CCDC73: variants seen among roughly 807,000 people sequenced by gnomAD.
CCDC73 encodes coiled-coil domain-containing protein 73.
A neutral mutation model predicts 116.5 loss-of-function variants in CCDC73; 95 were observed. That is an observed-to-expected ratio of 0.82 (90% CI 0.69 to 0.97). The LOEUF (loss-of-function observed/expected upper bound fraction) is 0.97, where lower values mean the gene tolerates loss of function less well. Ranked by LOEUF, CCDC73 falls within the 50% of genes least tolerant of loss-of-function variation. The pLI, the probability that CCDC73 is intolerant of heterozygous loss-of-function variation, is 0.00. For missense variants in CCDC73, 1,066 were observed against 1,206.8 expected (o/e 0.88, Z 1.73); for synonymous variants, 398 against 401.3 (o/e 0.99, Z 0.10).
intron 2 of CCDC73, among the ~76,000 whole-genome samples, chr11:32,723,749 T>A (rs2133337794): frequency 6.6e-6 from 1 of 152,292 alleles, no homozygotes; most frequent in East Asian, 1.9e-4. Flanking sequence ...CTTATATCCT[T>A]GTAGTCCTAA....
intron 1 of CCDC73, among the ~76,000 whole-genome samples, chr11:32,767,024 G>C (rs1850448797): frequency 1.3e-5 from 2 of 152,166 alleles, no homozygotes; most frequent in Admixed American, 6.5e-5. Context: ...GCAATCCTAA[G>C]CCAAAAGAAC....
chr11:32,662,863 T>A (rs1324146660), intron 9 of CCDC73, among the ~76,000 whole-genome samples: 1 of 152,200 alleles, frequency 6.6e-6, no homozygotes, highest in Non-Finnish European at 1.5e-5. Context: ...TTAATTTTTG[T>A]ATAAGGTGTA....
At chr11:32,792,299 T>C (rs892796725) in intron 1 of CCDC73, among the ~76,000 whole-genome samples, 2 of 151,416 alleles carry the variant, frequency 1.3e-5, no homozygotes, top group African/African-American at 4.9e-5. Context: ...TAGTAAAAAA[T>C]AAAATAAAAA....
chr11:32,653,971 T>G lies in CCDC73; in HGVS notation c.834+7A>C. On this transcript the variant is annotated splice_region_variant and intron_variant, in intron 11 of 17. Coordinates refer to ENST00000335185, the MANE Select transcript of CCDC73 (RefSeq NM_001008391.4). ...TACTGGCTTCCAAATAGCTTATGAT[T>G]GCTTACCTGTTTTTCTTCTTGAATA... The G allele has an allele frequency of 6.3e-7, 1 of 1,596,704 alleles. No individual in the cohort carries two copies. The highest frequency in any genetic ancestry group is 8.5e-7 in the Non-Finnish European group (1 of 1,173,590).
intron 1 of CCDC73, among the ~76,000 whole-genome samples, chr11:32,785,248 CTT>C (rs1850617883): frequency 6.6e-6 from 1 of 152,054 alleles, no homozygotes; most frequent in African/African-American, 2.4e-5. Flanking sequence ...TTATAAAACT[CTT>C]GTTTTAATTT....
At chr11:32,694,314 A>T (rs1856289480) in intron 6 of CCDC73, among the ~76,000 whole-genome samples, 1 of 152,242 alleles carries the variant, frequency 6.6e-6, no homozygotes. Flanking sequence ...TCCCATTCAC[A>T]ATTGCTACAA....
intron 6 of CCDC73, among the ~76,000 whole-genome samples, chr11:32,688,362 CT>C (rs894443514): frequency 1.3e-5 from 2 of 152,128 alleles, no homozygotes; most frequent in African/African-American, 4.8e-5. Flanking sequence ...AAATAATGGT[CT>C]GTAATCTTCA....
chr11:32,823,869 A>T, the CCDC73 span, among the ~76,000 whole-genome samples: 1 of 151,724 alleles, frequency 6.6e-6, no homozygotes, highest in African/African-American at 2.4e-5. Context: ...CCTCCCTGAA[A>T]ATGTTTTTTG....
At chr11:32,735,802 CA>C (rs1220870030) in intron 2 of CCDC73, among the ~76,000 whole-genome samples, 7 of 152,044 alleles carry the variant, frequency 4.6e-5, no homozygotes, top group African/African-American at 1.7e-4. Flanking sequence ...GTACTGGTAC[CA>C]AAACAGAGAT....
chr11:32,798,962 G>A (rs1850749929), upstream of CCDC73, among the ~76,000 whole-genome samples: 1 of 151,552 alleles, frequency 6.6e-6, no homozygotes, highest in Non-Finnish European at 1.5e-5. Flanking sequence ...CCAGGCTGGA[G>A]TGCAGTGGTG....
intron 14 of CCDC73, among the ~76,000 whole-genome samples, chr11:32,634,900 T>C (rs1474156006): frequency 6.6e-6 from 1 of 152,156 alleles, no homozygotes; most frequent in African/African-American, 2.4e-5. Context: ...AGTGGGAGCA[T>C]CACTTGAGCC....
chr11:32,641,021 A>C (rs1232952619), intron 13 of CCDC73, among the ~76,000 whole-genome samples: 38 of 52,680 alleles, frequency 7.2e-4, no homozygotes, highest in African/African-American at 5.9e-3. Flanking sequence ...GTCCCCCACC[A>C]AAAAAAAAGA....
chr11:32,635,129 T>C (rs1855666199), intron 14 of CCDC73, among the ~76,000 whole-genome samples: 1 of 152,092 alleles, frequency 6.6e-6, no homozygotes, highest in Admixed American at 6.6e-5. Flanking sequence ...AATATCCAAA[T>C]AAATGGAAGC....
Position 32,675,604 on chromosome 11 carries a change from T to C in CCDC73, c.606A>G (p.Leu202=). ...ATATTTCAGCTTCTTGTTTTTTATT[T>C]AAAGCTGAAAGTCTTTTGTTTGATT... is the stretch of plus-strand genomic sequence containing the variant. ...AIQSNKRLSA[L]NKKQEAEICS... The change falls in exon 9 of 18, where the codon TTA becomes TTG. Residue 202 remains leucine, a synonymous_variant. Transcript: ENST00000335185. 1 of 1,592,378 alleles carries C rather than the reference T, an allele frequency of 6.3e-7. No homozygotes were observed. Among genetic ancestry groups the C allele is most frequent in the Admixed American group, 1.9e-5 (1 of 53,918 alleles).
intron 1 of CCDC73, among the ~76,000 whole-genome samples, chr11:32,784,697 G>A (rs1850611997): frequency 6.6e-6 from 1 of 152,158 alleles, no homozygotes; most frequent in Non-Finnish European, 1.5e-5. Flanking sequence ...TGGCAGGAGA[G>A]ATCTTTTTCT....
intron 2 of CCDC73, among the ~76,000 whole-genome samples, chr11:32,739,237 A>G (rs1414724513): frequency 2.0e-5 from 3 of 152,180 alleles, no homozygotes; most frequent in South Asian, 2.1e-4. Flanking sequence ...GAAGAATGCC[A>G]TTAATATTTT....
At chr11:32,665,308 T>A (rs1164738723) in intron 9 of CCDC73, among the ~76,000 whole-genome samples, 4 of 152,114 alleles carry the variant, frequency 2.6e-5, no homozygotes, top group Admixed American at 6.6e-5. Flanking sequence ...TCTTTGTAGG[T>A]CTCTAAGGAC....
rs953229002 is a variant in CCDC73 at position 32,635,829 on chromosome 11, G to C, written c.1052C>G (p.Ala351Gly). Residue 351 changes from alanine (A) to glycine (G), a missense_variant and splice_region_variant, in exon 14 of 18, where the codon GCT (alanine) becomes GGT (glycine). Coordinates refer to ENST00000335185, the MANE Select transcript of CCDC73 (RefSeq NM_001008391.4). ...EKALGTWKRHAEELNGEINKI... is the reference protein window; with the variant it reads ...EKALGTWKRHGEELNGEINKI... ...ATTAATTTCTCCATTAAGTTCTTCA[G>C]CCTATTATAAAAAAGGAACCAGAAT... 8.6e-7 allele frequency: 1 copy of C among 1,159,446 alleles called. No homozygotes were observed. The highest frequency in any genetic ancestry group is 1.1e-6 in the Non-Finnish European group (1 of 902,890). 71.8% of individuals were successfully genotyped at this position (1,159,446 alleles called of 1,614,324 possible). A position where few individuals can be genotyped will look rare whatever the true frequency, so the allele number is the denominator to read the frequency against.
chr11:32,605,785 C>T (rs1360544022), intron 17 of CCDC73: 5 of 137,322 alleles, frequency 3.6e-5, no homozygotes, highest in Non-Finnish European at 8.0e-5. Flanking sequence ...GGTTCTGCAG[C>T]CTACCGCAGT....
Sources: gnomAD v4.1 joint callset for allele counts (sites outside exome capture counted in the v4.1 genomes callset) on GRCh38, gnomAD v4.1.1 for gene constraint, MANE v1.5 for transcripts, NCBI Gene and HGNC (gene_info 2026-07-23, HGNC 2026-07-21) for gene names.